The following NHSL1 variants were observed in gnomAD, a reference collection of about 807,000 sequenced individuals.
The protein encoded by NHSL1 is NHS like 1, also known as NHS-like protein 1.
A neutral mutation model predicts 95.0 loss-of-function variants in NHSL1; 48 were observed. The ratio of observed to expected loss-of-function variants is 0.51; its 90% CI spans 0.40 to 0.64. The LOEUF (loss-of-function observed/expected upper bound fraction) is 0.64. Ranked by LOEUF, NHSL1 falls within the 30% of genes least tolerant of loss-of-function variation. The pLI is 0.00. For synonymous variants in NHSL1, 783 were observed against 833.9 expected, an observed-to-expected ratio of 0.94 and a Z score of 1.05; for missense variants, 1,971 against 2,077.7, an observed-to-expected ratio of 0.95 and a Z score of 1.00.
intron 3 of NHSL1, among the ~76,000 whole-genome samples, chr6:138,452,423 C>T (rs566229893): frequency 2.0e-5 from 3 of 152,178 alleles, no homozygotes; most frequent in African/African-American, 7.2e-5. Flanking sequence ...GTGGGATTAA[C>T]TAAGAAACAC....
intron 1 of NHSL1, among the ~76,000 whole-genome samples, chr6:138,628,102 T>G (rs952711362): frequency 5.9e-5 from 9 of 151,564 alleles, no homozygotes; most frequent in Non-Finnish European, 2.9e-5. Flanking sequence ...CACCTGAAGT[T>G]GGGAGTTCGA....
chr6:138,591,999 T>C (rs78315614), intron 1 of NHSL1, among the ~76,000 whole-genome samples: 1,778 of 152,336 alleles, frequency 0.012, 27 homozygotes, highest in African/African-American at 0.041. Context: ...GGGAGACGAC[T>C]GTAACTTTGA....
chr6:138,511,866 C>T (rs1204632423), intron 1 of NHSL1, among the ~76,000 whole-genome samples: 4 of 152,016 alleles, frequency 2.6e-5, no homozygotes, highest in Admixed American at 2.6e-4. Context: ...CGAGATTGCT[C>T]CACCGCACTC....
In NHSL1 at chr6:138,447,004, T is replaced by C. The variant is rs1356978965; in HGVS notation, c.529A>G (p.Thr177Ala). The change falls in exon 4 of 8, where the codon ACT (threonine) becomes GCT (alanine). Residue 177 changes from threonine (T) to alanine (A), a missense_variant. Physicochemically the swap from Thr to Ala is moderately conservative, Grantham distance 58. Coordinates refer to ENST00000343505, the MANE Select transcript of NHSL1 (RefSeq NM_001144060.2). The part of the protein sequence containing the change: ...VQADVVPINI[T>A]GENFDRQASL... The stretch of plus-strand genomic sequence containing the variant: ...CTGTCTGGCTAGCAAAGCGTACCAG[T>C]TATGTTAATAGGCACCACGTCAGCC... 6.4e-7 allele frequency: 1 copy of C among 1,551,600 alleles called. No individual in the cohort carries two copies. Among genetic ancestry groups the C allele is most frequent in the Admixed American group, 2.0e-5 (1 of 51,006 alleles).
At chr6:138,643,841 G>C (rs1282798700) in intron 1 of NHSL1, among the ~76,000 whole-genome samples, 4 of 151,708 alleles carry the variant, frequency 2.6e-5, no homozygotes, top group Non-Finnish European at 5.9e-5. Context: ...CTACTAAAAA[G>C]ACAAAAGTTA....
chr6:138,431,010 G>T lies in NHSL1; in HGVS notation c.3335C>A (p.Pro1112Gln). Residue 1112 changes from proline to glutamine, a missense_variant, in exon 6 of 8, where the codon CCA (proline) becomes CAA (glutamine). Physicochemically the swap from Pro to Gln is moderately conservative, Grantham distance 76. This residue lies in a region of NHSL1 where 1,602 missense variants were observed against 1,654.5 expected (regional missense o/e 0.97). Transcript: ENST00000343505. The surrounding 1 kb of genome is among the most constrained non-coding windows in gnomAD (Gnocchi z 4.0). The stretch of plus-strand genomic sequence containing the variant: ...ATTTCGGGATTTCAGGAAAGCAGAT[G>T]GCTTTAAGTGGTACTGTGGAGCAAC... ...TPVAPQYHLKPSAFLKSRNST... is the reference protein window; with the variant it reads ...TPVAPQYHLKQSAFLKSRNST... 1.3e-6 allele frequency: 2 copies of T among 1,552,300 alleles called. No individual in the cohort carries two copies. The highest frequency in any genetic ancestry group is 1.7e-6 in the Non-Finnish European group (2 of 1,147,118).
intron 1 of NHSL1, among the ~76,000 whole-genome samples, chr6:138,619,295 G>A (rs572549508): frequency 1.3e-5 from 2 of 152,080 alleles, no homozygotes; most frequent in South Asian, 2.1e-4. Context: ...CCGAGATCAC[G>A]CCACTGCACT....
chr6:138,627,805 TGGGA>T (rs1422769316), intron 1 of NHSL1, among the ~76,000 whole-genome samples: 1 of 151,986 alleles, frequency 6.6e-6, no homozygotes, highest in African/African-American at 2.4e-5. Context: ...CGCTTGAACC[TGGGA>T]GGCAGATGTT....
At chr6:138,657,113 A>C (rs986687892) in intron 1 of NHSL1, among the ~76,000 whole-genome samples, 1 of 152,144 alleles carries the variant, frequency 6.6e-6, no homozygotes, top group South Asian at 2.1e-4. Context: ...CCTGCAACAA[A>C]AAAAAAACCC....
exon 1 of NHSL1, chr6:138,572,025 T>A: frequency 2.6e-6 from 2 of 774,618 alleles, no homozygotes; most frequent in South Asian, 1.8e-5. Context: ...TAGACAACGC[T>A]GACAGTCAGG....
intron 1 of NHSL1, among the ~76,000 whole-genome samples, chr6:138,565,447 G>C (rs979101941): frequency 1.3e-5 from 2 of 152,034 alleles, no homozygotes; most frequent in African/African-American, 4.8e-5. Flanking sequence ...AGACAGTGTA[G>C]ACTCATGGAT....
intron 1 of NHSL1, among the ~76,000 whole-genome samples, chr6:138,612,668 TAC>T (rs1400111745): frequency 2.6e-5 from 4 of 152,162 alleles, no homozygotes; most frequent in African/African-American, 9.7e-5. Flanking sequence ...AGCTTCTGTA[TAC>T]ACACACACAA....
chr6:138,498,558 C>T (rs1583307646), intron 1 of NHSL1, among the ~76,000 whole-genome samples: 1 of 152,132 alleles, frequency 6.6e-6, no homozygotes, highest in African/African-American at 2.4e-5. Flanking sequence ...ATAAAATAAA[C>T]CACCGACTAT....
chr6:138,627,889 A>C (rs988108130), intron 1 of NHSL1, among the ~76,000 whole-genome samples: 2 of 152,144 alleles, frequency 1.3e-5, no homozygotes, highest in Non-Finnish European at 2.9e-5. Flanking sequence ...TAAAAATAAA[A>C]ATAAAAAAAA....
At chr6:138,483,139 C>A (rs1343779239) in intron 2 of NHSL1, among the ~76,000 whole-genome samples, 1 of 152,106 alleles carries the variant, frequency 6.6e-6, no homozygotes, top group African/African-American at 2.4e-5. Flanking sequence ...AACATGATAT[C>A]CATTTAGGGT....
At chr6:138,427,913 C>G (rs1316438597) in intron 7 of NHSL1, among the ~76,000 whole-genome samples, 1 of 152,242 alleles carries the variant, frequency 6.6e-6, no homozygotes, top group Admixed American at 6.5e-5. Context: ...CTCACTCTCT[C>G]TCTGCAATCC....
At chr6:138,461,634 T>C (rs1467192865) in intron 3 of NHSL1, among the ~76,000 whole-genome samples, 1 of 152,088 alleles carries the variant, frequency 6.6e-6, no homozygotes, top group Non-Finnish European at 1.5e-5. Context: ...GTAGTTTAAG[T>C]GTGCGCTGGG....
chr6:138,492,899 A>G (rs1780157425), intron 2 of NHSL1, among the ~76,000 whole-genome samples: 1 of 152,258 alleles, frequency 6.6e-6, no homozygotes, highest in Admixed American at 6.5e-5. Flanking sequence ...CTACCTTTCT[A>G]TATTTTTAAG....
chr6:138,478,012 CTTTTTTTTTTTTTT>C (rs71009589), intron 2 of NHSL1, among the ~76,000 whole-genome samples: 2 of 29,996 alleles, frequency 6.7e-5, no homozygotes, highest in Non-Finnish European at 5.8e-5. Context: ...ATTTATGTCA[CTTTTTTTTTTTTTT>C]TTTTTTTTTT....
Sources: allele counts gnomAD v4.1 joint callset (sites outside exome capture counted in the v4.1 genomes callset), GRCh38; gene constraint gnomAD v4.1.1; regional missense constraint gnomAD v4.1.1; non-coding constraint Gnocchi (gnomAD v3.1); transcripts MANE v1.5; gene names NCBI Gene and HGNC (gene_info 2026-07-23, HGNC 2026-07-21).